The following MACROD2 variants were observed in gnomAD, a reference collection of about 807,000 sequenced individuals.
The protein encoded by MACROD2 is ADP-ribose glycohydrolase MACROD2.
A neutral mutation model predicts 70.4 loss-of-function variants in MACROD2; 36 were observed. That is an observed-to-expected ratio of 0.51 (90% CI 0.39 to 0.68). The LOEUF (loss-of-function observed/expected upper bound fraction) is 0.68, where lower values mean the gene tolerates loss of function less well. MACROD2 is among the 30% of genes least tolerant of loss of function. The pLI is 0.00. For synonymous variants in MACROD2, 172 were observed against 178.8 expected (o/e 0.96, Z 0.30); for missense variants, 496 against 538.4 (o/e 0.92, Z 0.78).
intron 4 of MACROD2, among the ~76,000 whole-genome samples, chr20:14,580,439 C>G (rs1046220462): frequency 1.9e-4 from 2 of 10,504 alleles, no homozygotes; most frequent in Non-Finnish European, 3.1e-3. Flanking sequence ...TTCCCGTTGC[C>G]TGAAAAAAAA....
chr20:15,849,620 G>A (rs2064274296), intron 8 of MACROD2, among the ~76,000 whole-genome samples: 1 of 152,090 alleles, frequency 6.6e-6, no homozygotes, highest in African/African-American at 2.4e-5. Flanking sequence ...TCCTCCCTGG[G>A]CAACCTCATA....
At chr20:14,581,359 A>G (rs1981007215) in intron 4 of MACROD2, among the ~76,000 whole-genome samples, 2 of 152,164 alleles carry the variant, frequency 1.3e-5, no homozygotes, top group African/African-American at 4.8e-5. Flanking sequence ...ATATTTTGTA[A>G]ATCTCTTTAC....
chr20:15,970,339 A>G (rs985105582), intron 13 of MACROD2, among the ~76,000 whole-genome samples: 50 of 152,242 alleles, frequency 3.3e-4, no homozygotes, highest in African/African-American at 1.2e-3. Flanking sequence ...AATACTGACA[A>G]TGATGTCTTG....
intron 5 of MACROD2, chr20:15,196,965 G>C: frequency 9.1e-6 from 9 of 985,402 alleles, no homozygotes; most frequent in Non-Finnish European, 1.1e-5. Context: ...TTGGGCCTCA[G>C]GTATCCAAAG....
At chr20:15,192,066 AACTCT>A (rs2076576327) in intron 5 of MACROD2, among the ~76,000 whole-genome samples, 6 of 137,440 alleles carry the variant, frequency 4.4e-5, no homozygotes, top group African/African-American at 1.3e-4. Flanking sequence ...ATCTATCTAA[AACTCT>A]CTCTCTCTCC....
intron 5 of MACROD2, among the ~76,000 whole-genome samples, chr20:14,855,864 T>A (rs1028236145): frequency 1.3e-5 from 2 of 152,052 alleles, no homozygotes; most frequent in Admixed American, 6.6e-5. Flanking sequence ...TAACAAGTAA[T>A]CTCAACAGAT....
rs2076709889 is a variant in MACROD2 at position 15,206,741 on chromosome 20, T to TTTTTTTTTTTTTTG, written c.419-23193_419-23192insTTTTTTTGTTTTTT. 4.3e-5 allele frequency among the ~76,000 whole-genome samples: 4 copies of TTTTTTTTTTTTTTG among 92,690 alleles called. 1 individual carries two copies. The highest frequency in any genetic ancestry group is 2.1e-4 in the African/African-American group (4 of 19,258). The allele number at this position is 92,690 out of a possible 152,430, so 60.8% of individuals were successfully genotyped here. ...TCTATGTTTTTTTTTTTTTTTTTTT[T>TTTTTTTTTTTTTTG]TTTTTTGAGACGGAGTCTCGCTCTG... On this transcript the variant is annotated intron_variant, in intron 5 of 17. Coordinates refer to ENST00000684519, the MANE Select transcript of MACROD2 (RefSeq NM_001351661.2).
intron 7 of MACROD2, among the ~76,000 whole-genome samples, chr20:15,475,023 A>C (rs1381588261): frequency 6.8e-6 from 1 of 146,006 alleles, no homozygotes; most frequent in Non-Finnish European, 1.6e-5. Context: ...AGAAAAAAAA[A>C]ATAAATAACA....
intron 5 of MACROD2, among the ~76,000 whole-genome samples, chr20:14,983,179 G>A (rs866315116): frequency 4.6e-5 from 7 of 152,088 alleles, no homozygotes; most frequent in Non-Finnish European, 8.8e-5. Flanking sequence ...TCTCCCATTT[G>A]GATCAGCCAT....
At chr20:14,050,584 A>G (rs1168714349) in intron 2 of MACROD2, among the ~76,000 whole-genome samples, 1 of 152,222 alleles carries the variant, frequency 6.6e-6, no homozygotes, top group African/African-American at 2.4e-5. Flanking sequence ...AAGGAGCACC[A>G]GAAAACCAAC....
chr20:15,364,348 G>A (rs1239700863), intron 6 of MACROD2, among the ~76,000 whole-genome samples: 1 of 152,148 alleles, frequency 6.6e-6, no homozygotes, highest in African/African-American at 2.4e-5. Flanking sequence ...GCTCCTCTTC[G>A]AAGATTCCTG....
At chr20:15,643,942 A>G (rs1186032943) in intron 8 of MACROD2, among the ~76,000 whole-genome samples, 1 of 152,170 alleles carries the variant, frequency 6.6e-6, no homozygotes, top group East Asian at 1.9e-4. Context: ...CTGTTTCTAG[A>G]CAAGAGGATG....
chr20:14,246,263 G>C (rs760635026), intron 3 of MACROD2, among the ~76,000 whole-genome samples: 2 of 152,184 alleles, frequency 1.3e-5, no homozygotes, highest in Admixed American at 6.5e-5. Flanking sequence ...GCATGGATTT[G>C]CTCTGAGGAC....
At chr20:15,898,629 A>G (rs1010206591) in intron 10 of MACROD2, among the ~76,000 whole-genome samples, 1 of 150,990 alleles carries the variant, frequency 6.6e-6, no homozygotes, top group Non-Finnish European at 1.5e-5. Context: ...GGGGTCCTGT[A>G]ATCTGTGTTC....
At chr20:14,784,877 G>A (rs956666476) in intron 5 of MACROD2, among the ~76,000 whole-genome samples, 1 of 151,884 alleles carries the variant, frequency 6.6e-6, no homozygotes, top group African/African-American at 2.4e-5. Context: ...TCAAGCAGTC[G>A]GGAAATTGCG....
At chr20:14,802,885 T>A (rs1379503721) in intron 5 of MACROD2, among the ~76,000 whole-genome samples, 1 of 152,042 alleles carries the variant, frequency 6.6e-6, no homozygotes, top group Non-Finnish European at 1.5e-5. Flanking sequence ...AATATCTCAT[T>A]TTTAATGATA....
intron 5 of MACROD2, among the ~76,000 whole-genome samples, chr20:14,764,552 C>T (rs204106): frequency 0.67 from 101,851 of 151,932 alleles, 34,606 homozygotes; most frequent in African/African-American, 0.73. Flanking sequence ...GATTGTGGCC[C>T]GTAAACTACC....
At chr20:14,819,419 C>A in intron 5 of MACROD2, among the ~76,000 whole-genome samples, 1 of 149,832 alleles carries the variant, frequency 6.7e-6, no homozygotes, top group East Asian at 2.0e-4. Context: ...TAAGAGAATT[C>A]AAGTTTCATT....
At chr20:14,496,736 T>C (rs1262294141) in intron 4 of MACROD2, among the ~76,000 whole-genome samples, 1 of 148,754 alleles carries the variant, frequency 6.7e-6, no homozygotes, top group East Asian at 1.9e-4. Flanking sequence ...CTGTTCATAG[T>C]TTCTAGATAG....
Sources: allele counts gnomAD v4.1 joint callset (sites outside exome capture counted in the v4.1 genomes callset), GRCh38; gene constraint gnomAD v4.1.1; transcripts MANE v1.5; gene names NCBI Gene and HGNC (gene_info 2026-07-23, HGNC 2026-07-21).